SMOC1: variants seen among roughly 807,000 people sequenced by gnomAD.
SMOC1 encodes SPARC-related modular calcium-binding protein 1.
A neutral mutation model predicts 56.3 loss-of-function variants in SMOC1; 22 were observed. The ratio of observed to expected loss-of-function variants is 0.39; its 90% CI spans 0.28 to 0.56. The LOEUF is 0.56. SMOC1 is among the 20% of genes least tolerant of loss of function. The pLI is 0.61. For synonymous variants in SMOC1, 193 were observed against 215.0 expected (o/e 0.90, Z 0.89); for missense variants, 509 against 565.4 (o/e 0.90, Z 1.01).
intron 2 of SMOC1, 86 bp downstream of exon 2, chr14:69,952,389 GAGTA>G: frequency 6.6e-7 from 1 of 1,520,588 alleles, no homozygotes; most frequent in Non-Finnish European, 9.1e-7. Flanking sequence ...GGGAAGCTTG[GAGTA>G]AGTCTGTCCA....
At chr14:69,969,930 G>C (rs1029639937) in intron 3 of SMOC1, among the ~76,000 whole-genome samples, 3 of 152,116 alleles carry the variant, frequency 2.0e-5, no homozygotes, top group Non-Finnish European at 4.4e-5. Context: ...CATTTCTGGA[G>C]AAAAGAGAAG....
chr14:69,987,895 G>A (rs1884425068), intron 5 of SMOC1, among the ~76,000 whole-genome samples: 4 of 152,168 alleles, frequency 2.6e-5, no homozygotes, highest in Admixed American at 2.6e-4. Context: ...CCATGCGGGG[G>A]CTGCAACTTT....
intron 7 of SMOC1, among the ~76,000 whole-genome samples, chr14:70,001,834 C>T (rs1411410113): frequency 1.3e-5 from 2 of 152,214 alleles, no homozygotes; most frequent in Non-Finnish European, 2.9e-5. Flanking sequence ...GGAACCTGAA[C>T]TGGCCAAGGT....
At chr14:69,914,255 T>A (rs1349572153) in intron 1 of SMOC1, among the ~76,000 whole-genome samples, 1 of 152,210 alleles carries the variant, frequency 6.6e-6, no homozygotes, top group Non-Finnish European at 1.5e-5. Flanking sequence ...GTAAATATTT[T>A]AGGCTTTGTG....
chr14:69,945,220 G>A (rs929759033), intron 1 of SMOC1, among the ~76,000 whole-genome samples: 1 of 152,202 alleles, frequency 6.6e-6, no homozygotes, highest in Non-Finnish European at 1.5e-5. Flanking sequence ...TTTTATAGAC[G>A]TGTAAATAGA....
chr14:70,030,354 C>A lies in SMOC1; in HGVS notation c.*96C>A. 1 of 1,478,758 alleles carries A rather than the reference C, an allele frequency of 6.8e-7. No individual in the cohort carries two copies. Among genetic ancestry groups the A allele is most frequent in the Non-Finnish European group, 9.3e-7 (1 of 1,072,526 alleles). 91.6% of individuals were successfully genotyped at this position (1,478,758 alleles called of 1,614,324 possible). On this transcript the variant is annotated 3_prime_UTR_variant, in exon 12 of 12. Transcript: ENST00000361956. ...GCGTTGCCCATGGCCCTGCCACATCCCGTGTAACATAAGTGGTGCCCACCA... is the reference window on the plus strand; with the variant it reads ...GCGTTGCCCATGGCCCTGCCACATCACGTGTAACATAAGTGGTGCCCACCA...
In SMOC1 at chr14:69,916,114, A is replaced by G. The variant is rs970122776; in HGVS notation, c.100-36024A>G. 3.2e-4 allele frequency among the ~76,000 whole-genome samples: 48 copies of G among 152,286 alleles called. 1 individual carries two copies. Among genetic ancestry groups the G allele is most frequent in the African/African-American group, 1.2e-3 (48 of 41,562 alleles). ...AACCAACATGAAACCAAAAGCCCAG[A>G]TTTTCCCTACCAACCTTACCAAACC... is the stretch of plus-strand genomic sequence containing the variant. On this transcript the variant is annotated intron_variant, in intron 1 of 11. Coordinates refer to ENST00000361956, the MANE Select transcript of SMOC1 (RefSeq NM_001034852.3).
At chr14:70,027,061 A>G (rs1885953352) in intron 11 of SMOC1, among the ~76,000 whole-genome samples, 1 of 152,112 alleles carries the variant, frequency 6.6e-6, no homozygotes, top group South Asian at 2.1e-4. Flanking sequence ...CAGAGGCAGA[A>G]AGGATTCCTG....
At chr14:69,924,224 T>C (rs1884928857) in intron 1 of SMOC1, among the ~76,000 whole-genome samples, 1 of 152,216 alleles carries the variant, frequency 6.6e-6, no homozygotes, top group Non-Finnish European at 1.5e-5. Flanking sequence ...CCTCAGCTCC[T>C]GCATCTGGTC....
At chr14:69,955,994 C>G (rs1302682065) in intron 3 of SMOC1, among the ~76,000 whole-genome samples, 4 of 152,170 alleles carry the variant, frequency 2.6e-5, no homozygotes, top group Non-Finnish European at 5.9e-5. Flanking sequence ...GACCCCTGCC[C>G]TCCTGATTCT....
chr14:69,928,571 G>A (rs1048560144), intron 1 of SMOC1, among the ~76,000 whole-genome samples: 5 of 151,658 alleles, frequency 3.3e-5, no homozygotes, highest in Non-Finnish European at 7.4e-5. Flanking sequence ...TGGTGTGGCT[G>A]GGTGCCTTGG....
At chr14:69,977,443 C>T (rs1008680749) in intron 4 of SMOC1, among the ~76,000 whole-genome samples, 3 of 152,228 alleles carry the variant, frequency 2.0e-5, no homozygotes, top group African/African-American at 7.2e-5. Flanking sequence ...CTACTTAATG[C>T]AGATGGAGAA....
In SMOC1 at chr14:70,030,241, G is replaced by C. The variant is rs760080832; in HGVS notation, c.1292-1G>C. On this transcript the variant is annotated splice_acceptor_variant, in intron 11 of 11. Transcript: ENST00000361956. LOFTEE classifies it high-confidence loss of function. Reference sequence around the variant, plus strand: ...TTTTGCATTCTCCTTCCTTCTCTCAGTAGGACGCCTCGTCTAAGGAGCAGA... The same window carrying C: ...TTTTGCATTCTCCTTCCTTCTCTCACTAGGACGCCTCGTCTAAGGAGCAGA... The C allele has an allele frequency of 6.3e-7, 1 of 1,599,930 alleles. No individual in the cohort carries two copies. Among genetic ancestry groups the C allele is most frequent in the East Asian group, 2.3e-5 (1 of 44,386 alleles).
chr14:69,971,276 C>T (rs971538969), intron 3 of SMOC1, among the ~76,000 whole-genome samples: 1 of 152,222 alleles, frequency 6.6e-6, no homozygotes, highest in Non-Finnish European at 1.5e-5. Context: ...CCTCGGCCTC[C>T]CAAAGTGCTG....
intron 1 of SMOC1, among the ~76,000 whole-genome samples, chr14:69,880,011 CACT>C (rs1282950834): frequency 4.6e-5 from 7 of 152,200 alleles, no homozygotes; most frequent in Non-Finnish European, 8.8e-5. Flanking sequence ...CCCGAACTGT[CACT>C]GGTGGGTTTT....
chr14:69,984,085 C>G (rs1361338339), intron 5 of SMOC1, among the ~76,000 whole-genome samples: 1 of 152,184 alleles, frequency 6.6e-6, no homozygotes, highest in African/African-American at 2.4e-5. Flanking sequence ...ATGAATAAAG[C>G]TAGAGTTCTA....
chr14:69,969,454 GCAGGAA>G (rs74547385), intron 3 of SMOC1, among the ~76,000 whole-genome samples: 10,332 of 152,140 alleles, frequency 0.068, 421 homozygotes, highest in Middle Eastern at 0.14. Flanking sequence ...AGGAGCAGGA[GCAGGAA>G]CAGGAGAGAG....
intron 7 of SMOC1, among the ~76,000 whole-genome samples, chr14:70,006,605 G>C (rs1235448745): frequency 6.6e-6 from 1 of 152,222 alleles, no homozygotes; most frequent in Non-Finnish European, 1.5e-5. Context: ...CTGTGTAACA[G>C]ACTGCTCCGA....
chr14:69,926,986 A>G (rs1389913912), intron 1 of SMOC1, among the ~76,000 whole-genome samples: 1 of 152,182 alleles, frequency 6.6e-6, no homozygotes, highest in Non-Finnish European at 1.5e-5. Context: ...TGAGTACTCA[A>G]CCCGTGCCAG....
Sources: allele counts gnomAD v4.1 joint callset (sites outside exome capture counted in the v4.1 genomes callset), GRCh38; gene constraint gnomAD v4.1.1; transcripts MANE v1.5; gene names NCBI Gene and HGNC (gene_info 2026-07-23, HGNC 2026-07-21).